ARID3B: variants seen among roughly 807,000 people sequenced by gnomAD.
ARID3B encodes AT-rich interaction domain 3B, also known as AT-rich interactive domain-containing protein 3B.
Under a neutral mutation model 51.9 loss-of-function variants are expected in ARID3B, and 10 were observed. That is an observed-to-expected ratio of 0.19 (90% CI 0.12 to 0.33). The LOEUF (loss-of-function observed/expected upper bound fraction) is 0.33, where lower values mean the gene tolerates loss of function less well. Ranked by LOEUF, ARID3B falls within the 10% of genes least tolerant of loss-of-function variation. ARID3B has a pLI of 1.00. For missense variants in ARID3B, 483 were observed against 716.3 expected, an observed-to-expected ratio of 0.67 and a Z score of 3.72; for synonymous variants, 205 against 279.5, an observed-to-expected ratio of 0.73 and a Z score of 2.66.
In ARID3B at chr15:74,557,967, G is replaced by A. The variant is rs1596253544; in HGVS notation, c.552+13479G>A. On this transcript the variant is annotated intron_variant, in intron 2 of 8. Transcript: ENST00000346246. ...TTCCTGAGTAGCTGGGACTACAGGC[G>A]CCCGCCACCACGCCTAGCTAATTTT... 1.3e-5 allele frequency among the ~76,000 whole-genome samples: 2 copies of A among 151,668 alleles called. 1 individual carries two copies. The highest frequency in any genetic ancestry group is 4.2e-4 in the South Asian group (2 of 4,818).
rs751889982 is a variant in ARID3B at position 74,597,548 on chromosome 15, C to G, written c.*1774C>G. ...ACACACATACCCCATCTCCCGAGGG[C>G]TGACCTCCTCTGGCCTCAGCCTGCA... On this transcript the variant is annotated 3_prime_UTR_variant, in exon 9 of 9. Transcript: ENST00000346246. 2.8e-5 allele frequency: 15 copies of G among 535,772 alleles called. No homozygotes were observed. Among genetic ancestry groups the G allele is most frequent in the Non-Finnish European group, 5.1e-5 (14 of 276,784 alleles). 33.2% of individuals were successfully genotyped at this position (535,772 alleles called of 1,614,324 possible). A position where few individuals can be genotyped will look rare whatever the true frequency, so the allele number is the denominator to read the frequency against.
In ARID3B at chr15:74,544,330, C is replaced by T; in HGVS notation, c.394C>T (p.Pro132Ser). ...FHVQKVARQD[P>S]RVAPMSNLLP... ...TGTGCAGAAAGTAGCTCGCCAAGATCCCAGAGTGGCACCCATGTCCAATCT... is the reference window on the plus strand; with the variant it reads ...TGTGCAGAAAGTAGCTCGCCAAGATTCCAGAGTGGCACCCATGTCCAATCT... The change falls in exon 2 of 9, where the codon CCC (proline) becomes TCC (serine). Residue 132 changes from proline to serine, a missense_variant. Physicochemically the swap from Pro to Ser is moderately conservative, Grantham distance 74. This residue lies in a region of ARID3B where 182 missense variants were observed against 244.5 expected (regional missense o/e 0.74). Coordinates refer to ENST00000346246, the MANE Select transcript of ARID3B (RefSeq NM_006465.4). 7 of 1,611,972 alleles carry T rather than the reference C, an allele frequency of 4.3e-6. No homozygotes were observed. Among genetic ancestry groups the T allele is most frequent in the Non-Finnish European group, 5.9e-6 (7 of 1,178,840 alleles).
In ARID3B at chr15:74,556,034, C is replaced by T. The variant is rs570858011; in HGVS notation, c.552+11546C>T. 5.3e-5 allele frequency among the ~76,000 whole-genome samples: 8 copies of T among 152,038 alleles called. No homozygotes were observed. In the East Asian group the frequency reaches 5.8e-4, roughly 11 times the overall value. Reference sequence around the variant, plus strand: ...GTCTCGATCTCCTGACCTTGTGATCCGCCCGCCTCAGCCTCCGAAGGTGCT... The same window carrying T: ...GTCTCGATCTCCTGACCTTGTGATCTGCCCGCCTCAGCCTCCGAAGGTGCT... On this transcript the variant is annotated intron_variant, in intron 2 of 8. Coordinates refer to ENST00000346246, the MANE Select transcript of ARID3B (RefSeq NM_006465.4).
intron 2 of ARID3B, among the ~76,000 whole-genome samples, chr15:74,561,019 A>G (rs1000362502): frequency 1.3e-5 from 2 of 152,194 alleles, no homozygotes; most frequent in Admixed American, 6.5e-5. Context: ...TCCTGGGCTC[A>G]AGCAATCCTT....
rs553123168 is a variant in ARID3B, at chr15:74,546,288, G to A, written c.552+1800G>A. Among the ~76,000 whole-genome samples, 19 of 151,530 alleles carry A rather than the reference G, an allele frequency of 1.3e-4. 1 individual carries two copies. The South Asian group carries it at 3.5e-3, about 28-fold the overall frequency. On this transcript the variant is annotated intron_variant, in intron 2 of 8. Transcript: ENST00000346246. Reference sequence around the variant, plus strand: ...TGTGTGGTTGGCAGAGTTCCATACCGGCCGCTGAGTCAGCTCATAGCAGGA... The same window carrying A: ...TGTGTGGTTGGCAGAGTTCCATACCAGCCGCTGAGTCAGCTCATAGCAGGA...
chr15:74,557,393 T>G (rs997753264), intron 2 of ARID3B, among the ~76,000 whole-genome samples: 1 of 151,970 alleles, frequency 6.6e-6, no homozygotes, highest in Non-Finnish European at 1.5e-5. Context: ...CCAGCCTGGA[T>G]GAGAGTGAGA....
intron 4 of ARID3B, among the ~76,000 whole-genome samples, chr15:74,584,099 A>C (rs1236908763): frequency 6.6e-6 from 1 of 152,176 alleles, no homozygotes; most frequent in Non-Finnish European, 1.5e-5. Flanking sequence ...ACATGGATAT[A>C]CTGCAGGGCA....
Position 74,596,050 on chromosome 15 carries a change from T to G in ARID3B, c.*276T>G. The G allele has an allele frequency of 2.3e-6, 1 of 431,684 alleles. No individual in the cohort carries two copies. 26.7% of individuals were successfully genotyped at this position (431,684 alleles called of 1,614,324 possible). On this transcript the variant is annotated 3_prime_UTR_variant, in exon 9 of 9. Coordinates refer to ENST00000346246, the MANE Select transcript of ARID3B (RefSeq NM_006465.4). ...TGTGGGTGTCCAGCTTCCTCCAGGGTTCCCCAGCCACCTCCCAGCTCAGGG... is the reference window on the plus strand; with the variant it reads ...TGTGGGTGTCCAGCTTCCTCCAGGGGTCCCCAGCCACCTCCCAGCTCAGGG...
intron 4 of ARID3B, among the ~76,000 whole-genome samples, chr15:74,579,078 C>T (rs1022319644): frequency 1.3e-5 from 2 of 152,200 alleles, no homozygotes; most frequent in Non-Finnish European, 2.9e-5. Context: ...GGATGCAGCA[C>T]ACAGCAGGCC....
At chr15:74,543,775 A>T in intron 1 of ARID3B, 85 bp from the exon 2 acceptor site, 1 of 847,558 alleles carries the variant, frequency 1.2e-6, no homozygotes, top group Non-Finnish European at 1.8e-6. Context: ...ATGGCCCTCT[A>T]CTGGAGAAAA....
chr15:74,591,927 G>A lies in ARID3B; in HGVS notation c.1420+113G>A. ...GGCACATACTCCTGACCTGGAAGAG[G>A]CCCCTCCAGGTTCTGCCTTCCAGGC... is the stretch of plus-strand genomic sequence containing the variant. On this transcript the variant is annotated intron_variant, in intron 7 of 8. Transcript: ENST00000346246. The surrounding 1 kb of genome is among the most constrained non-coding windows in gnomAD (Gnocchi z 5.8). 3 of 1,474,172 alleles carry A rather than the reference G, an allele frequency of 2.0e-6. No individual in the cohort carries two copies. The highest frequency in any genetic ancestry group is 2.7e-6 in the Non-Finnish European group (3 of 1,099,056). 91.3% of individuals were successfully genotyped at this position (1,474,172 alleles called of 1,614,324 possible).
At chr15:74,569,330 C>T (rs1458693235) in intron 2 of ARID3B, among the ~76,000 whole-genome samples, 2 of 152,074 alleles carry the variant, frequency 1.3e-5, no homozygotes, top group African/African-American at 4.8e-5. Context: ...TATATCGGTG[C>T]TCCCTCTTCA....
At chr15:74,575,893 G>C (rs748418320) in intron 4 of ARID3B, among the ~76,000 whole-genome samples, 1 of 152,162 alleles carries the variant, frequency 6.6e-6, no homozygotes, top group Admixed American at 6.5e-5. Flanking sequence ...CCTGTGCACT[G>C]TAGGATTTTG....
intron 2 of ARID3B, among the ~76,000 whole-genome samples, chr15:74,559,308 G>T (rs745469305): frequency 6.6e-6 from 1 of 152,182 alleles, no homozygotes; most frequent in African/African-American, 2.4e-5. Context: ...TGTATGCAAC[G>T]GGTAGAGTGT....
chr15:74,578,791 G>A (rs2061748069), intron 4 of ARID3B, among the ~76,000 whole-genome samples: 1 of 152,150 alleles, frequency 6.6e-6, no homozygotes, highest in African/African-American at 2.4e-5. Context: ...CTACTTTGGA[G>A]GCTGAGGTGG....
intron 1 of ARID3B, among the ~76,000 whole-genome samples, 193 bp downstream of exon 1, chr15:74,541,523 G>A (rs1163465749): frequency 6.6e-6 from 1 of 152,258 alleles, no homozygotes; most frequent in East Asian, 1.9e-4. Context: ...GGGCATTTGA[G>A]ATAAAGCGTT....
chr15:74,587,742 A>AG (rs933869283), intron 4 of ARID3B, among the ~76,000 whole-genome samples: 11 of 152,242 alleles, frequency 7.2e-5, no homozygotes, highest in African/African-American at 2.6e-4. Flanking sequence ...TCTTTCTGGT[A>AG]GGGGGAAGGT....
chr15:74,579,425 T>C (rs1441761580), intron 4 of ARID3B, among the ~76,000 whole-genome samples: 1 of 152,200 alleles, frequency 6.6e-6, no homozygotes, highest in African/African-American at 2.4e-5. Context: ...TTCGTTCTCC[T>C]GATCTTGAGC....
chr15:74,541,240 C>A lies in ARID3B; in HGVS notation c.-168C>A, dbSNP rs1479977839. 1 of 150,830 alleles carries A rather than the reference C, an allele frequency of 6.6e-6. No homozygotes were observed. Among genetic ancestry groups the A allele is most frequent in the Non-Finnish European group, 1.5e-5 (1 of 67,604 alleles). 9.3% of individuals were successfully genotyped at this position (150,830 alleles called of 1,614,324 possible). Reference sequence around the variant, plus strand: ...CGGGCCCCGCCCCGGCTGTGGCCCCCGGCTGCGGAGGAGTCCGAGACGCAG... The same window carrying A: ...CGGGCCCCGCCCCGGCTGTGGCCCCAGGCTGCGGAGGAGTCCGAGACGCAG... On this transcript the variant is annotated 5_prime_UTR_variant, in exon 1 of 9. Transcript: ENST00000346246.
Sources: gnomAD v4.1 joint callset for allele counts (sites outside exome capture counted in the v4.1 genomes callset) on GRCh38, gnomAD v4.1.1 for gene constraint, gnomAD v4.1.1 regional missense constraint, Gnocchi (gnomAD v3.1) non-coding constraint, MANE v1.5 for transcripts, NCBI Gene and HGNC (gene_info 2026-07-23, HGNC 2026-07-21) for gene names.